MCM7: variants seen among roughly 807,000 people sequenced by gnomAD.
MCM7 encodes DNA replication licensing factor MCM7.
Under a neutral mutation model 83.5 loss-of-function variants are expected in MCM7, and 95 were observed. The observed-to-expected ratio is 1.14, with a 90% CI of 0.96 to 1.35. The LOEUF (loss-of-function observed/expected upper bound fraction) is 1.35. MCM7 is among the 40% of genes most tolerant of loss of function. MCM7 has a pLI of 0.00. For missense variants in MCM7, 1,087 were observed against 957.4 expected (o/e 1.14, Z -1.79); for synonymous variants, 461 against 352.7 (o/e 1.31, Z -3.44).
At chr7:100,098,989 G>T (rs761088889) in intron 5 of MCM7, 34 bp downstream of exon 5, 1 of 1,611,950 alleles carries the variant, frequency 6.2e-7, no homozygotes, top group Non-Finnish European at 8.5e-7. Flanking sequence ...CAACTAATGG[G>T]TAAGTGCTTT....
chr7:100,100,116 G>C (rs1388522531), intron 1 of MCM7, 23 bp from the exon 2 acceptor site: 3 of 1,612,142 alleles, frequency 1.9e-6, no homozygotes, highest in Non-Finnish European at 2.5e-6. Context: ...ATGTAAAACC[G>C]TAAGACACAA....
In MCM7 at chr7:100,097,182, C is replaced by T. The variant is rs1795683261; in HGVS notation, c.1201+119G>A. Reference sequence around the variant, plus strand: ...TCCTCGCCTCAAATGATTCTCCTGCCTCAGCCTCTCAGAGCATTGGGATTA... The same window carrying T: ...TCCTCGCCTCAAATGATTCTCCTGCTTCAGCCTCTCAGAGCATTGGGATTA... On this transcript the variant is annotated intron_variant, in intron 10 of 14. Coordinates refer to ENST00000303887, the MANE Select transcript of MCM7 (RefSeq NM_005916.5). 7.2e-6 allele frequency: 6 copies of T among 830,786 alleles called. No homozygotes were observed. In the East Asian group the frequency reaches 1.1e-4, roughly 15 times the overall value. The allele number at this position is 830,786 out of a possible 1,614,324, so 51.5% of individuals were successfully genotyped here. A position where few individuals can be genotyped will look rare whatever the true frequency, so the allele number is the denominator to read the frequency against.
At position 100,100,074 on chromosome 7, in the gene MCM7, T is replaced by C. The variant is rs2116595301; in HGVS notation, c.51A>G (p.Leu17=). 6.2e-7 allele frequency: 1 copy of C among 1,614,204 alleles called. No individual in the cohort carries two copies. The highest frequency in any genetic ancestry group is 8.5e-7 in the Non-Finnish European group (1 of 1,180,016). Reference sequence around the variant, plus strand: ...GTTCATCATCCTGGTAGAACTCTTGTAAGAACTTCTTAACCTTTTCTGTAA... The same window carrying C: ...GTTCATCATCCTGGTAGAACTCTTGCAAGAACTTCTTAACCTTTTCTGTAA... ...ALEKEKVKKF[L]QEFYQDDELG... is the part of the protein sequence containing the mutation. Residue 17 remains leucine, a synonymous_variant, in exon 2 of 15, where the codon TTA becomes TTG. Transcript: ENST00000303887.
Position 100,099,080 on chromosome 7 carries a change from G to T in MCM7, c.525C>A (p.Pro175=), listed in dbSNP as rs1454992576. ...GIVTRVSEVK[P]KMVVATYTCD... Reference sequence around the variant, plus strand: ...AAGTGTAAGTGGCCACCACCATCTTGGGTTTGACTTCAGAGACACGAGTGA... The same window carrying T: ...AAGTGTAAGTGGCCACCACCATCTTTGGTTTGACTTCAGAGACACGAGTGA... The change falls in exon 5 of 15, where the codon CCC becomes CCA. Residue 175 remains proline, a synonymous_variant. Transcript: ENST00000303887. 1 of 1,614,142 alleles carries T rather than the reference G, an allele frequency of 6.2e-7. No homozygotes were observed. The highest frequency in any genetic ancestry group is 1.7e-5 in the Admixed American group (1 of 60,018).
chr7:100,098,972 TACAAA>T, intron 5 of MCM7, 46 bp downstream of exon 5: 2 of 1,608,726 alleles, frequency 1.2e-6, no homozygotes, highest in South Asian at 2.2e-5. Context: ...AATTAATCTC[TACAAA>T]ACAACTAATG....
At chr7:100,100,759 C>T (rs898137154) in intron 1 of MCM7, 2 of 991,602 alleles carry the variant, frequency 2.0e-6, no homozygotes, top group African/African-American at 1.7e-5. Context: ...CACGACACTC[C>T]CTCCAGCCTC....
chr7:100,098,062 G>C, intron 7 of MCM7, 79 bp downstream of exon 7: 1 of 1,584,724 alleles, frequency 6.3e-7, no homozygotes, highest in East Asian at 2.2e-5. Context: ...GGGTTTTGCT[G>C]CTCTTTTCTC....
At chr7:100,093,978 G>A (rs534035458) in intron 13 of MCM7, 195 bp downstream of exon 13, 31 of 782,346 alleles carry the variant, frequency 4.0e-5, no homozygotes, top group Admixed American at 2.1e-4. Flanking sequence ...TTCCCTCCAC[G>A]GACGCTGTGC....
At position 100,093,051 on chromosome 7, in the gene MCM7, C is replaced by T. The variant is rs766881090; in HGVS notation, c.2041G>A (p.Glu681Lys). 6.2e-7 allele frequency: 1 copy of T among 1,614,146 alleles called. No homozygotes were observed. Among genetic ancestry groups the T allele is most frequent in the Non-Finnish European group, 8.5e-7 (1 of 1,180,054 alleles). ...GGRSVRFSEA[E>K]QRCVSRGFTP... The stretch of plus-strand genomic sequence containing the variant: ...AAGCCACGAGATACACAGCGCTGCT[C>T]TGCCTCAGAGAACCGGACACTTCGG... The change falls in exon 15 of 15, where the codon GAG (glutamate) becomes AAG (lysine). Residue 681 changes from glutamate (E) to lysine (K), a missense_variant. Transcript: ENST00000303887.
rs749189763 is a variant in MCM7 at position 100,099,418 on chromosome 7, CAAAAAAAAA to C, written c.277-24_277-16del. The stretch of plus-strand genomic sequence containing the variant: ...TTATTTACCACCTAAAGGAGAAGAA[CAAAAAAAAA>C]AAAAAAAAAGAGCAACAGGATGGGG... On this transcript the variant is annotated splice_polypyrimidine_tract_variant and intron_variant, in intron 3 of 14. Transcript: ENST00000303887. 7.7e-7 allele frequency: 1 copy of C among 1,302,352 alleles called. No homozygotes were observed. Among genetic ancestry groups the C allele is most frequent in the East Asian group, 2.7e-5 (1 of 37,154 alleles). The allele number at this position is 1,302,352 out of a possible 1,614,324, so 80.7% of individuals were successfully genotyped here. A position where few individuals can be genotyped will look rare whatever the true frequency, so the allele number is the denominator to read the frequency against.
rs1164377315 is a variant in MCM7, at chr7:100,100,013, C to T, written c.111+1G>A. On this transcript the variant is annotated splice_donor_variant, in intron 2 of 14. Transcript: ENST00000303887. LOFTEE classifies it high-confidence loss of function. The stretch of plus-strand genomic sequence containing the variant: ...TTCCCTTTACCCAATCTTAGACTTA[C>T]CAACTGGTTCCCATACTTGAACTGC... 4 of 1,613,606 alleles carry T rather than the reference C, an allele frequency of 2.5e-6. No homozygotes were observed. The highest frequency in any genetic ancestry group is 3.4e-6 in the Non-Finnish European group (4 of 1,179,496).
At chr7:100,099,776 A>G in intron 2 of MCM7, 23 bp from the exon 3 acceptor site, 1 of 1,612,622 alleles carries the variant, frequency 6.2e-7, no homozygotes, top group Non-Finnish European at 8.5e-7. Context: ...AGAGACAGAA[A>G]CACCTCAGAG....
chr7:100,101,176 C>T, intron 1 of MCM7, 88 bp downstream of exon 1: 3 of 1,545,340 alleles, frequency 1.9e-6, no homozygotes, highest in Non-Finnish European at 1.8e-6. Context: ...CCGCCGACCC[C>T]GGTCCCCCAA....
intron 1 of MCM7, chr7:100,100,925 C>T: frequency 1.9e-6 from 2 of 1,032,556 alleles, no homozygotes; most frequent in South Asian, 3.6e-5. Context: ...CGAAGGAAAG[C>T]GGGCACGGGA....
chr7:100,097,992 T>C (rs745362593), intron 7 of MCM7, 44 bp from the exon 8 acceptor site: 11 of 1,596,764 alleles, frequency 6.9e-6, no homozygotes, highest in Admixed American at 3.3e-5. Context: ...TCCCTTCAAC[T>C]TGCCCATCAC....
chr7:100,095,560 C>T (rs957953810), intron 11 of MCM7, 90 bp from the exon 12 acceptor site: 8 of 1,384,408 alleles, frequency 5.8e-6, no homozygotes, highest in South Asian at 3.9e-5. Flanking sequence ...CTGCCACTTC[C>T]TCACAGTGTA....
Position 100,095,796 on chromosome 7 carries a change from G to T in MCM7, c.1573C>A (p.Pro525Thr). The T allele has an allele frequency of 6.3e-7, 1 of 1,592,068 alleles. No individual in the cohort carries two copies. The highest frequency in any genetic ancestry group is 8.5e-7 in the Non-Finnish European group (1 of 1,169,614). ...CACCGTAGGTCATTGTCTCGGTCGG[G>T]CCGGTCCTGAATCAGCCAGAGGAGG... ...FDLLWLIQDR[P>T]DRDNDLRLAQ... The change falls in exon 11 of 15, where the codon CCC (proline) becomes ACC (threonine). Residue 525 changes from proline (P) to threonine (T), a missense_variant. Transcript: ENST00000303887.
chr7:100,098,036 G>C (rs573331969), intron 7 of MCM7, 88 bp from the exon 8 acceptor site: 3 of 1,576,008 alleles, frequency 1.9e-6, no homozygotes, highest in South Asian at 2.2e-5. Flanking sequence ...CAAATCCCTG[G>C]GTTCTGTTTT....
chr7:100,101,258 C>A lies in MCM7; in HGVS notation c.31+6G>T. On this transcript the variant is annotated splice_donor_region_variant and intron_variant, in intron 1 of 14. Transcript: ENST00000303887. ...AGGACGCCCTCCCGGGCTCGTAGAC[C>A]CGTACCCTTCTCTAGCGCGTAGTCC... is the stretch of plus-strand genomic sequence containing the variant. 1 of 1,613,184 alleles carries A rather than the reference C, an allele frequency of 6.2e-7. No individual in the cohort carries two copies. The highest frequency in any genetic ancestry group is 8.5e-7 in the Non-Finnish European group (1 of 1,179,882).
Sources: gnomAD v4.1 joint callset for allele counts on GRCh38, gnomAD v4.1.1 for gene constraint, MANE v1.5 for transcripts, NCBI Gene and HGNC (gene_info 2026-07-23, HGNC 2026-07-21) for gene names.